Variants in GCLC observed in about 807,000 individuals in gnomAD.
GCLC encodes glutamate--cysteine ligase catalytic subunit.
In GCLC, 30 loss-of-function variants were observed where a neutral mutation model predicts 81.5. The ratio of observed to expected loss-of-function variants is 0.37; its 90% CI spans 0.28 to 0.50. The LOEUF is 0.50. GCLC is among the 20% of genes least tolerant of loss of function. GCLC has a pLI of 0.96. For synonymous variants in GCLC, 262 were observed against 273.3 expected, an observed-to-expected ratio of 0.96 and a Z score of 0.41; for missense variants, 556 against 777.4, an observed-to-expected ratio of 0.72 and a Z score of 3.39.
chr6:53,517,417 C>A (rs1762893948), intron 3 of GCLC, among the ~76,000 whole-genome samples: 1 of 151,810 alleles, frequency 6.6e-6, no homozygotes, highest in African/African-American at 2.4e-5. Flanking sequence ...TATTTTTAAC[C>A]CCTACCTTTT....
chr6:53,512,398 C>CTT (rs776741035), intron 6 of GCLC, among the ~76,000 whole-genome samples: 2 of 145,052 alleles, frequency 1.4e-5, no homozygotes, highest in Admixed American at 6.9e-5. Flanking sequence ...TAAGCAGTTT[C>CTT]TTTTTTTTTT....
At position 53,497,996 on chromosome 6, in the gene GCLC, T is replaced by C. The variant is rs538865533; in HGVS notation, c.*760A>G. 6 of 128,604 alleles carry C rather than the reference T, an allele frequency of 4.7e-5. No individual in the cohort carries two copies. The South Asian group carries it at 9.3e-4, about 20-fold the overall frequency. The allele number at this position is 128,604 out of a possible 1,614,324, so 8.0% of individuals were successfully genotyped here. ...CCACCCCCCACCCCTGCCGCCAACT[T>C]TTTTAGTTAAAAAAAAAAATTGTCC... On this transcript the variant is annotated 3_prime_UTR_variant, in exon 16 of 16. Coordinates refer to ENST00000650454, the MANE Select transcript of GCLC (RefSeq NM_001498.4).
intron 12 of GCLC, among the ~76,000 whole-genome samples, chr6:53,502,864 T>C (rs1215739901): frequency 3.3e-5 from 5 of 152,334 alleles, no homozygotes; most frequent in African/African-American, 9.6e-5. Flanking sequence ...TGAAATGTAT[T>C]TGTGGTTCAT....
chr6:53,510,285 C>T (rs1189267217), intron 6 of GCLC: 2 of 151,988 alleles, frequency 1.3e-5, no homozygotes, highest in Admixed American at 6.6e-5. Flanking sequence ...AAGAAAAACC[C>T]GAGTTGTAGA....
intron 1 of GCLC, among the ~76,000 whole-genome samples, chr6:53,537,514 C>T (rs936550083): frequency 1.3e-5 from 2 of 152,016 alleles, no homozygotes; most frequent in Admixed American, 6.6e-5. Context: ...CTTAGAAATA[C>T]GATCTAAACA....
chr6:53,520,716 T>C (rs1762977203), intron 3 of GCLC, 62 bp downstream of exon 3: 1 of 1,403,898 alleles, frequency 7.1e-7, no homozygotes. Flanking sequence ...GGTCGTGACT[T>C]GCTCTTTTCA....
intron 3 of GCLC, 69 bp from the exon 4 acceptor site, chr6:53,516,291 T>A: frequency 1.0e-6 from 1 of 973,682 alleles, no homozygotes; most frequent in Non-Finnish European, 1.7e-6. Flanking sequence ...AGTCTTGCCA[T>A]CACTGCACCT....
chr6:53,500,567 A>G, intron 12 of GCLC, 54 bp from the exon 13 acceptor site: 1 of 1,242,116 alleles, frequency 8.1e-7, no homozygotes, highest in Non-Finnish European at 1.2e-6. Flanking sequence ...TCAGACATAC[A>G]AGTTGCAGCA....
At chr6:53,507,737 C>A in intron 8 of GCLC, 119 bp from the exon 9 acceptor site, 1 of 451,212 alleles carries the variant, frequency 2.2e-6, no homozygotes, top group South Asian at 4.8e-5. Flanking sequence ...TTAGTGAGCC[C>A]TAAAAAGTAT....
At chr6:53,537,648 CATA>C (rs1024485586) in intron 1 of GCLC, among the ~76,000 whole-genome samples, 1 of 141,888 alleles carries the variant, frequency 7.0e-6, no homozygotes, top group Non-Finnish European at 1.5e-5. Flanking sequence ...TACATAAATA[CATA>C]ATATTAAAAA....
intron 3 of GCLC, among the ~76,000 whole-genome samples, chr6:53,517,249 G>GTTTTTT (rs201960255): frequency 2.7e-5 from 2 of 73,112 alleles, no homozygotes; most frequent in East Asian, 4.2e-4. Flanking sequence ...ACTGTACCAA[G>GTTTTTT]TTTTTTTTTT....
intron 1 of GCLC, among the ~76,000 whole-genome samples, chr6:53,535,120 T>C (rs565288051): frequency 3.4e-4 from 52 of 152,362 alleles, no homozygotes; most frequent in African/African-American, 1.2e-3. Context: ...AGGTGGCACA[T>C]GCCTGTAAGT....
intron 1 of GCLC, among the ~76,000 whole-genome samples, chr6:53,527,164 G>A (rs1162294690): frequency 6.6e-6 from 1 of 152,124 alleles, no homozygotes; most frequent in Non-Finnish European, 1.5e-5. Flanking sequence ...CTATCCAGGT[G>A]GTCAGGCCAA....
At chr6:53,516,253 G>C in intron 3 of GCLC, 31 bp from the exon 4 acceptor site, 1 of 1,357,898 alleles carries the variant, frequency 7.4e-7, no homozygotes, top group South Asian at 1.2e-5. Flanking sequence ...AAATAGATGG[G>C]ATTTGTTTTC....
chr6:53,544,819 G>A lies in GCLC; in HGVS notation c.-174C>T. On this transcript the variant is annotated 5_prime_UTR_variant, in exon 1 of 16. Coordinates refer to ENST00000650454, the MANE Select transcript of GCLC (RefSeq NM_001498.4). ...CTGCCCGCTCCGGCTCCCCGGCGGC[G>A]GCCCCTGGCGCCCAGGTGACAGACC... 1.9e-6 allele frequency: 1 copy of A among 526,210 alleles called. No homozygotes were observed. Among genetic ancestry groups the A allele is most frequent in the South Asian group, 3.4e-5 (1 of 29,650 alleles). The allele number at this position is 526,210 out of a possible 1,614,324, so 32.6% of individuals were successfully genotyped here.
chr6:53,533,387 C>T (rs536026864), intron 1 of GCLC, among the ~76,000 whole-genome samples: 2 of 152,334 alleles, frequency 1.3e-5, no homozygotes, highest in African/African-American at 4.8e-5. Context: ...AGTACCTGCC[C>T]AACTGGCAAA....
intron 1 of GCLC, among the ~76,000 whole-genome samples, chr6:53,542,735 G>GC (rs1295746986): frequency 6.6e-6 from 1 of 152,178 alleles, no homozygotes; most frequent in South Asian, 2.1e-4. Flanking sequence ...GCAGCACAGG[G>GC]CCCGGCACAT....
intron 1 of GCLC, among the ~76,000 whole-genome samples, chr6:53,538,578 G>A (rs577393582): frequency 6.6e-6 from 1 of 152,064 alleles, no homozygotes; most frequent in Non-Finnish European, 1.5e-5. Context: ...TGATCTGCCT[G>A]CCTCGGCCTC....
chr6:53,532,685 C>T (rs1763193401), intron 1 of GCLC, among the ~76,000 whole-genome samples: 1 of 152,156 alleles, frequency 6.6e-6, no homozygotes, highest in African/African-American at 2.4e-5. Flanking sequence ...CATGGAGTCA[C>T]TCACCTTAGA....
Sources: gnomAD v4.1 joint callset for allele counts (sites outside exome capture counted in the v4.1 genomes callset) on GRCh38, gnomAD v4.1.1 for gene constraint, MANE v1.5 for transcripts, NCBI Gene and HGNC (gene_info 2026-07-23, HGNC 2026-07-21) for gene names.